The following CAD variants were observed in gnomAD, a reference collection of about 807,000 sequenced individuals.
CAD encodes multifunctional protein CAD.
A neutral mutation model predicts 237.2 loss-of-function variants in CAD; 81 were observed. The observed-to-expected ratio is 0.34, with a 90% CI of 0.29 to 0.41. The LOEUF (loss-of-function observed/expected upper bound fraction) is 0.41. CAD is among the 10% of genes least tolerant of loss of function. The probability of loss-of-function intolerance (pLI) is 1.00; values close to 1 mark genes in which losing one functional copy is unlikely to be tolerated. For missense variants in CAD, 2,181 were observed against 2,951.7 expected (o/e 0.74, Z 6.05); for synonymous variants, 1,196 against 1,162.8 (o/e 1.03, Z -0.58).
At chr2:27,220,557 G>T (rs550614235) in intron 2 of CAD, among the ~76,000 whole-genome samples, 169 of 152,062 alleles carry the variant, frequency 1.1e-3, no homozygotes, top group African/African-American at 4.0e-3. Context: ...GTCTGAGGTG[G>T]GAGAATCACT....
rs766063444 is a variant in CAD at position 27,222,528 on chromosome 2, G to C, written c.505G>C (p.Val169Leu). 1 of 1,613,994 alleles carries C rather than the reference G, an allele frequency of 6.2e-7. No individual in the cohort carries two copies. Among genetic ancestry groups the C allele is most frequent in the Non-Finnish European group, 8.5e-7 (1 of 1,179,898 alleles). Residue 169 changes from valine to leucine, a missense_variant, in exon 5 of 44, where the codon GTA becomes CTA. By Grantham distance (32) the Val-to-Leu change is conservative (BLOSUM62 1). Coordinates refer to ENST00000264705, the MANE Select transcript of CAD (RefSeq NM_004341.5). ...VPEVSIKTPRVFNTGGAPRIL... is the reference protein window; with the variant it reads ...VPEVSIKTPRLFNTGGAPRIL... ...TTCGTCTATTTCTCAGACTCCACGG[G>C]TATTCAATACAGGGGGTGCCCCTCG...
chr2:27,225,872 A>T lies in CAD; in HGVS notation c.1788A>T (p.Gly596=), dbSNP rs571416711. 6.2e-7 allele frequency: 1 copy of T among 1,614,146 alleles called. No homozygotes were observed. Among genetic ancestry groups the T allele is most frequent in the Non-Finnish European group, 8.5e-7 (1 of 1,180,020 alleles). ...SQVLVDKSLK[G]WKEIEYEVVR... ...TGCTAGTAGACAAGTCTCTGAAGGG[A>T]TGGAAGGAGATTGAGTACGAGGTGG... is the stretch of plus-strand genomic sequence containing the variant. Residue 596 remains glycine, a synonymous_variant, in exon 12 of 44, where the codon GGA becomes GGT. Transcript: ENST00000264705.
Position 27,240,502 on chromosome 2 carries a change from A to G in CAD, c.5593+141A>G, listed in dbSNP as rs1558544722. The G allele has an allele frequency of 6.5e-6, 10 of 1,526,866 alleles. No homozygotes were observed. Among genetic ancestry groups the G allele is most frequent in the Non-Finnish European group, 8.9e-6 (10 of 1,121,184 alleles). 94.6% of individuals were successfully genotyped at this position (1,526,866 alleles called of 1,614,324 possible). A position where few individuals can be genotyped will look rare whatever the true frequency, so the allele number is the denominator to read the frequency against. Reference sequence around the variant, plus strand: ...ATCTGCCGTGCCATCCTTTGCCTAAACAAGTCTCCCCGGTGTGAGTAGACA... The same window carrying G: ...ATCTGCCGTGCCATCCTTTGCCTAAGCAAGTCTCCCCGGTGTGAGTAGACA... On this transcript the variant is annotated intron_variant, in intron 35 of 43. Coordinates refer to ENST00000264705, the MANE Select transcript of CAD (RefSeq NM_004341.5). The surrounding 1 kb of genome is among the most constrained non-coding windows in gnomAD (Gnocchi z 4.6).
intron 16 of CAD, 121 bp from the exon 17 acceptor site, chr2:27,231,859 C>T (rs1251227421): frequency 4.2e-6 from 5 of 1,203,088 alleles, no homozygotes; most frequent in Non-Finnish European, 5.9e-6. Context: ...CAGGTTTTTG[C>T]AGTTACACAG....
At chr2:27,226,468 G>A (rs1415744939) in intron 13 of CAD, 57 bp from the exon 14 acceptor site, 3 of 1,592,782 alleles carry the variant, frequency 1.9e-6, no homozygotes, top group African/African-American at 1.3e-5. Context: ...TCTCCTTTCT[G>A]AGACCTCTCC....
chr2:27,227,014 C>T (rs1314738188), intron 15 of CAD, 52 bp downstream of exon 15: 1 of 1,561,754 alleles, frequency 6.4e-7, no homozygotes, highest in Non-Finnish European at 8.8e-7. Context: ...GACCAAGAAT[C>T]TTAAATGTCA....
Position 27,240,642 on chromosome 2 carries a change from T to C in CAD, c.5594-269T>C, listed in dbSNP as rs75211836. On this transcript the variant is annotated intron_variant, in intron 35 of 43. Coordinates refer to ENST00000264705, the MANE Select transcript of CAD (RefSeq NM_004341.5). This position sits in a 1 kb window ranked among gnomAD's most constrained non-coding sequence, Gnocchi z 4.6. ...GGTAAATCCAGGTTGTTGGTTGGTG[T>C]GAGTCTGGCCGTTCCTCTTGCCTAG... 12,678 of 1,542,946 alleles carry C rather than the reference T, an allele frequency of 8.2e-3. 77 individuals carry two copies. The highest frequency in any genetic ancestry group is 0.011 in the Non-Finnish European group (12,081 of 1,142,432).
In CAD at chr2:27,219,550, G is replaced by A. The variant is rs779453653; in HGVS notation, c.222+1534G>A. Among the ~76,000 whole-genome samples the A allele has an allele frequency of 2.0e-5, 3 of 151,726 alleles. No individual in the cohort carries two copies. In the East Asian group the frequency reaches 5.8e-4, roughly 29 times the overall value. ...TGTAGAGACCGGGTATTGTCACATT[G>A]CCCAGGCTTGTATGTTATCTTTTTT... On this transcript the variant is annotated intron_variant, in intron 2 of 43. Transcript: ENST00000264705.
In CAD at chr2:27,241,610, C is replaced by T. The variant is rs7557294; in HGVS notation, c.5883+214C>T. On this transcript the variant is annotated intron_variant, in intron 38 of 43. Transcript: ENST00000264705. This position sits in a 1 kb window ranked among gnomAD's most constrained non-coding sequence, Gnocchi z 4.6. ...GGGGAGGCCCTGAGCATGAGACCAT[C>T]GCCCCACTAGTGGGGTCTTCTGGTC... Among the ~76,000 whole-genome samples the T allele has an allele frequency of 0.057, 8,721 of 152,290 alleles. 296 individuals carry two copies. Among genetic ancestry groups the T allele is most frequent in the African/African-American group, 0.087 (3,620 of 41,558 alleles).
rs144634871 is a variant in CAD, at chr2:27,237,854, G to A, written c.4700G>A (p.Arg1567Gln). ...LYLNETFSEL[R>Q]LDSVVQWMEH... ...CTCAATGAGACCTTCTCTGAGCTGCGGCTGGACAGCGTGGTCCAGTGGATG... is the reference window on the plus strand; with the variant it reads ...CTCAATGAGACCTTCTCTGAGCTGCAGCTGGACAGCGTGGTCCAGTGGATG... The change falls in exon 29 of 44, where the codon CGG (arginine) becomes CAG (glutamine). Residue 1567 changes from arginine (R) to glutamine (Q), a missense_variant. Around this residue, in one of 12 missense-constraint regions of CAD, gnomAD observed 478 missense variants for 515.0 expected, o/e 0.93. Transcript: ENST00000264705. This position sits in a 1 kb window ranked among gnomAD's most constrained non-coding sequence, Gnocchi z 4.0. 11 of 1,613,462 alleles carry A rather than the reference G, an allele frequency of 6.8e-6. No individual in the cohort carries two copies. The highest frequency in any genetic ancestry group is 2.7e-5 in the African/African-American group (2 of 75,060).
chr2:27,232,099 G>A lies in CAD; in HGVS notation c.2520G>A (p.Met840Ile). The change falls in exon 17 of 44, where the codon ATG becomes ATA. Residue 840 changes from methionine to isoleucine, a missense_variant. Around this residue, in one of 12 missense-constraint regions of CAD, gnomAD observed 385 missense variants for 535.1 expected, o/e 0.72. Coordinates refer to ENST00000264705, the MANE Select transcript of CAD (RefSeq NM_004341.5). This position sits in a 1 kb window ranked among gnomAD's most constrained non-coding sequence, Gnocchi z 4.1. ...TRIDRWFLHRMKRIIAHAQLL... is the reference protein window; with the variant it reads ...TRIDRWFLHRIKRIIAHAQLL... ...TCGACCGCTGGTTCCTGCACCGAAT[G>A]AAGCGTATCATCGCACATGCCCAGC... 6.2e-7 allele frequency: 1 copy of A among 1,614,254 alleles called. No homozygotes were observed. The highest frequency in any genetic ancestry group is 8.5e-7 in the Non-Finnish European group (1 of 1,180,042).
chr2:27,232,330 A>C lies in CAD; in HGVS notation c.2645+106A>C. 6.3e-7 allele frequency: 1 copy of C among 1,576,910 alleles called. No individual in the cohort carries two copies. The highest frequency in any genetic ancestry group is 2.2e-5 in the East Asian group (1 of 44,666). The stretch of plus-strand genomic sequence containing the variant: ...GAAGGAGAGTGTGGGAGAGCTTTAG[A>C]GGCTTCTGACCTTGGTTCCAAGGAT... On this transcript the variant is annotated intron_variant, in intron 17 of 43. Transcript: ENST00000264705. The surrounding 1 kb of genome is among the most constrained non-coding windows in gnomAD (Gnocchi z 4.1).
intron 2 of CAD, among the ~76,000 whole-genome samples, chr2:27,220,163 G>T (rs1394372577): frequency 6.6e-6 from 1 of 152,136 alleles, no homozygotes; most frequent in East Asian, 1.9e-4. Context: ...ATAAATGTCT[G>T]ACTGACACCA....
chr2:27,231,142 G>T (rs1253549532), intron 15 of CAD, among the ~76,000 whole-genome samples: 1 of 152,132 alleles, frequency 6.6e-6, no homozygotes, highest in South Asian at 2.1e-4. Flanking sequence ...AGTAGCTGGG[G>T]CTACAGGCGC....
chr2:27,236,334 A>T lies in CAD; in HGVS notation c.4125A>T (p.Pro1375=), dbSNP rs1365988813. ...AGGAGGCTGTGGATGGTGAGTGCCC[A>T]CCACAGCGGAGCATCCTGGAGCAGC... ...HFEEAVDGEC[P]PQRSILEQLA... Residue 1375 remains proline (P), a synonymous_variant, in exon 26 of 44, where the codon CCA becomes CCT. Coordinates refer to ENST00000264705, the MANE Select transcript of CAD (RefSeq NM_004341.5). The surrounding 1 kb of genome is among the most constrained non-coding windows in gnomAD (Gnocchi z 4.1). 1.2e-6 allele frequency: 2 copies of T among 1,614,186 alleles called. No homozygotes were observed. The highest frequency in any genetic ancestry group is 1.7e-6 in the Non-Finnish European group (2 of 1,180,004).
chr2:27,234,539 G>A lies in CAD; in HGVS notation c.3640G>A (p.Glu1214Lys). 1 of 1,613,960 alleles carries A rather than the reference G, an allele frequency of 6.2e-7. No individual in the cohort carries two copies. The highest frequency in any genetic ancestry group is 8.5e-7 in the Non-Finnish European group (1 of 1,179,886). ...CCAGGATGACCAGCTGAAAGTTATT[G>A]AATGCAACGTACGTGTCTCTCGCTC... ...IAKDDQLKVIECNVRVSRSFP... is the reference protein window; with the variant it reads ...IAKDDQLKVIKCNVRVSRSFP... The change falls in exon 23 of 44, where the codon GAA becomes AAA. Residue 1214 changes from glutamate (E) to lysine (K), a missense_variant. Around this residue, in one of 12 missense-constraint regions of CAD, gnomAD observed 306 missense variants for 607.9 expected, o/e 0.50. Transcript: ENST00000264705.
chr2:27,242,214 C>T lies in CAD; in HGVS notation c.6097-88C>T, dbSNP rs1055898120. On this transcript the variant is annotated intron_variant, in intron 39 of 43. Transcript: ENST00000264705. The surrounding 1 kb of genome is among the most constrained non-coding windows in gnomAD (Gnocchi z 6.4). ...TGCCCACGTTTTCTGTGTTTTGGGC[C>T]AGATGAGTGAGGGGACCCCAGAAGA... is the stretch of plus-strand genomic sequence containing the variant. The T allele has an allele frequency of 1.3e-6, 2 of 1,583,002 alleles. No individual in the cohort carries two copies. Among genetic ancestry groups the T allele is most frequent in the Non-Finnish European group, 1.7e-6 (2 of 1,160,986 alleles).
Position 27,223,557 on chromosome 2 carries a change from C to A in CAD, c.810-6C>A, listed in dbSNP as rs771018227. On this transcript the variant is annotated splice_region_variant and splice_polypyrimidine_tract_variant and intron_variant, in intron 6 of 43. Coordinates refer to ENST00000264705, the MANE Select transcript of CAD (RefSeq NM_004341.5). ...GGCCTGTGACTCGGCATGCTTCTAC[C>A]TCCAGATATGGGAACCGAGGCCATA... 1.2e-6 allele frequency: 2 copies of A among 1,611,964 alleles called. No individual in the cohort carries two copies. Among genetic ancestry groups the A allele is most frequent in the South Asian group, 2.2e-5 (2 of 90,986 alleles).
rs760066835 is a variant in CAD at position 27,225,099 on chromosome 2, G to T, written c.1476G>T (p.Gly492=). 17 of 1,614,136 alleles carry T rather than the reference G, an allele frequency of 1.1e-5. No individual in the cohort carries two copies. In the South Asian group the frequency reaches 1.9e-4, roughly 18 times the overall value. ...GTGGTGTGGAGCTGACCAAGGCCGGGGTGCTGGCTCGGTATGGGGTCCGGG... is the reference window on the plus strand; with the variant it reads ...GTGGTGTGGAGCTGACCAAGGCCGGTGTGCTGGCTCGGTATGGGGTCCGGG... ...LNCGVELTKA[G]VLARYGVRVL... Residue 492 remains glycine, a synonymous_variant, in exon 11 of 44, where the codon GGG becomes GGT. Transcript: ENST00000264705.
Sources: allele counts gnomAD v4.1 joint callset (sites outside exome capture counted in the v4.1 genomes callset), GRCh38; gene constraint gnomAD v4.1.1; regional missense constraint gnomAD v4.1.1; non-coding constraint Gnocchi (gnomAD v3.1); transcripts MANE v1.5; gene names NCBI Gene and HGNC (gene_info 2026-07-23, HGNC 2026-07-21).